SLITRK5: variants seen among roughly 807,000 people sequenced by gnomAD.
SLITRK5 encodes the protein SLIT and NTRK like family member 5.
A neutral mutation model predicts 56.2 loss-of-function variants in SLITRK5; 23 were observed. That is an observed-to-expected ratio of 0.41 (90% CI 0.29 to 0.58). SLITRK5 has a LOEUF of 0.58. SLITRK5 is among the 20% of genes least tolerant of loss of function. SLITRK5 has a pLI of 0.30. For missense variants in SLITRK5, 1,289 were observed against 1,226.6 expected (o/e 1.05, Z -0.76); for synonymous variants, 637 against 531.8 (o/e 1.20, Z -2.72).
Position 87,678,066 on chromosome 13 carries a change from A to G in SLITRK5, c.2678A>G (p.Tyr893Cys). 1.9e-6 allele frequency: 3 copies of G among 1,613,934 alleles called. No homozygotes were observed. The highest frequency in any genetic ancestry group is 2.5e-6 in the Non-Finnish European group (3 of 1,179,852). The change falls in exon 2 of 2, where the codon TAT becomes TGT. Residue 893 changes from tyrosine (Y) to cysteine (C), a missense_variant. Around this residue, in one of 3 missense-constraint regions of SLITRK5, gnomAD observed 985 missense variants for 906.0 expected, o/e 1.09. Coordinates refer to ENST00000683689, the MANE Select transcript of SLITRK5 (RefSeq NM_001384609.1). Reference protein sequence around the residue: ...SPAAYTFSPNYDLRRPHQYLH... With the variant: ...SPAAYTFSPNCDLRRPHQYLH... ...GCTGCTTACACTTTCTCCCCCAACTATGACCTGAGACGCCCCCATCAGTAT... is the reference window on the plus strand; with the variant it reads ...GCTGCTTACACTTTCTCCCCCAACTGTGACCTGAGACGCCCCCATCAGTAT...
In SLITRK5 at chr13:87,678,171, A is replaced by G. The variant is rs751852582; in HGVS notation, c.2783A>G (p.Asn928Ser). 9 of 1,614,086 alleles carry G rather than the reference A, an allele frequency of 5.6e-6. No individual in the cohort carries two copies. The highest frequency in any genetic ancestry group is 1.6e-4 in the Middle Eastern group (1 of 6,084). The change falls in exon 2 of 2, where the codon AAC (asparagine) becomes AGC (serine). Residue 928 changes from asparagine to serine, a missense_variant. Physicochemically the swap from Asn to Ser is conservative, Grantham distance 46. Coordinates refer to ENST00000683689, the MANE Select transcript of SLITRK5 (RefSeq NM_001384609.1). ...SPPSAVFVEP[N>S]RNEYLELKAK... The stretch of plus-strand genomic sequence containing the variant: ...CCGAGTGCTGTCTTTGTAGAACCCA[A>G]CCGGAACGAATATCTGGAGTTAAAA...
In SLITRK5 at chr13:87,678,419, G is replaced by T; in HGVS notation, c.*154G>T. On this transcript the variant is annotated 3_prime_UTR_variant, in exon 2 of 2. Transcript: ENST00000683689. The stretch of plus-strand genomic sequence containing the variant: ...AGCTTCGGTGGAAGATACGAAAAGG[G>T]TGTGCAATTTCCTTTAAAATTTACA... 1 of 709,354 alleles carries T rather than the reference G, an allele frequency of 1.4e-6. No individual in the cohort carries two copies. The highest frequency in any genetic ancestry group is 1.8e-5 in the African/African-American group (1 of 55,644). 43.9% of individuals were successfully genotyped at this position (709,354 alleles called of 1,614,324 possible).
intron 1 of SLITRK5, chr13:87,673,645 G>T (rs1327695936): frequency 3.3e-6 from 2 of 603,038 alleles, no homozygotes; most frequent in Non-Finnish European, 2.8e-6. Flanking sequence ...TTACCGTTGC[G>T]TTGGGAGGTC....
rs1566319591 is a variant in SLITRK5, at chr13:87,675,745, C to T, written c.357C>T (p.Asp119=). ...ATCTAGGTAGCAATGTTATCCAGGA[C>T]ATTGAGACCGGGGCTTTCCATGGGC... ...ILHLGSNVIQ[D]IETGAFHGLR... is the part of the protein sequence containing the mutation. Residue 119 remains aspartate (D), a synonymous_variant, in exon 2 of 2, where the codon GAC becomes GAT. Transcript: ENST00000683689. 6.2e-7 allele frequency: 1 copy of T among 1,614,150 alleles called. No individual in the cohort carries two copies. The highest frequency in any genetic ancestry group is 1.7e-5 in the Admixed American group (1 of 60,024).
rs1299207108 is a variant in SLITRK5, at chr13:87,671,756, A to G, written c.-462A>G. Among the ~76,000 whole-genome samples the G allele has an allele frequency of 6.6e-6, 1 of 152,084 alleles. No individual in the cohort carries two copies. The highest frequency in any genetic ancestry group is 2.4e-5 in the African/African-American group (1 of 41,434). ...AAACACCGTGAGGATGAAACTGCCAAAGGGATGCAAGAGCCTCTCAAATAC... is the reference window on the plus strand; with the variant it reads ...AAACACCGTGAGGATGAAACTGCCAGAGGGATGCAAGAGCCTCTCAAATAC... On this transcript the variant is annotated 5_prime_UTR_variant, in exon 1 of 2. Transcript: ENST00000683689.
chr13:87,675,340 G>T, intron 1 of SLITRK5, 41 bp from the exon 2 acceptor site: 1 of 1,465,958 alleles, frequency 6.8e-7, no homozygotes, highest in Non-Finnish European at 9.4e-7. Flanking sequence ...TTAAATTTTT[G>T]TCATATTCTG....
rs111810938 is a variant in SLITRK5 at position 87,675,470 on chromosome 13, T to C, written c.82T>C (p.Phe28Leu). 6.8e-6 allele frequency: 11 copies of C among 1,614,156 alleles called. No homozygotes were observed. Among genetic ancestry groups the C allele is most frequent in the Non-Finnish European group, 9.3e-6 (11 of 1,180,034 alleles). ...TAGCTGGATGCTGCAGACTCTAGCG[T>C]TTGCTGTAACATCTCTCGTCCTTTC... ...MHSWMLQTLA[F>L]AVTSLVLSCA... The change falls in exon 2 of 2, where the codon TTT (phenylalanine) becomes CTT (leucine). Residue 28 changes from phenylalanine (F) to leucine (L), a missense_variant. Phe to Leu is a conservative substitution (Grantham distance 22, BLOSUM62 0). Around this residue, in one of 3 missense-constraint regions of SLITRK5, gnomAD observed 291 missense variants for 286.7 expected, o/e 1.02. Transcript: ENST00000683689.
Position 87,672,382 on chromosome 13 carries a change from C to G in SLITRK5, c.-9+173C>G, listed in dbSNP as rs369893097. ...GCCGGCGGGGCCAGGCAGTCTTCTC[C>G]GCGTCCCCCTCCTCCCGCTCCGTGC... On this transcript the variant is annotated intron_variant, in intron 1 of 1. Coordinates refer to ENST00000683689, the MANE Select transcript of SLITRK5 (RefSeq NM_001384609.1). 1.1e-4 allele frequency among the ~76,000 whole-genome samples: 16 copies of G among 152,090 alleles called. 1 individual carries two copies. The East Asian group carries it at 2.5e-3, about 24-fold the overall frequency.
Position 87,676,389 on chromosome 13 carries a change from C to T in SLITRK5, c.1001C>T (p.Thr334Ile). ...YKPPLKPPKG[T>I]RQPNKPRVRP... Reference sequence around the variant, plus strand: ...CCCCCTTTGAAGCCCCCTAAGGGGACTCGCCAACCCAACAAGCCCAGGGTG... The same window carrying T: ...CCCCCTTTGAAGCCCCCTAAGGGGATTCGCCAACCCAACAAGCCCAGGGTG... Residue 334 changes from threonine to isoleucine, a missense_variant, in exon 2 of 2, where the codon ACT becomes ATT. Physicochemically the swap from Thr to Ile is moderately conservative, Grantham distance 89. Coordinates refer to ENST00000683689, the MANE Select transcript of SLITRK5 (RefSeq NM_001384609.1). 1 of 1,614,116 alleles carries T rather than the reference C, an allele frequency of 6.2e-7. No homozygotes were observed. The highest frequency in any genetic ancestry group is 8.5e-7 in the Non-Finnish European group (1 of 1,180,014).
In SLITRK5 at chr13:87,676,592, G is replaced by A. The variant is rs369443848; in HGVS notation, c.1204G>A (p.Ala402Thr). ...CCAGGAGCGAAAGATCGAGAGCATCGCTGAACTGCAGCCCAAGCCCTACAA... is the reference window on the plus strand; with the variant it reads ...CCAGGAGCGAAAGATCGAGAGCATCACTGAACTGCAGCCCAAGCCCTACAA... ...NCQERKIESI[A>T]ELQPKPYNPK... The change falls in exon 2 of 2, where the codon GCT becomes ACT. Residue 402 changes from alanine (A) to threonine (T), a missense_variant. Ala to Thr is a moderately conservative substitution (Grantham distance 58, BLOSUM62 0). Coordinates refer to ENST00000683689, the MANE Select transcript of SLITRK5 (RefSeq NM_001384609.1). The A allele has an allele frequency of 7.4e-6, 12 of 1,613,928 alleles. No individual in the cohort carries two copies. The highest frequency in any genetic ancestry group is 1.7e-5 in the Admixed American group (1 of 60,000).
At position 87,678,977 on chromosome 13, in the gene SLITRK5, A is replaced by C. The variant is rs1877417526; in HGVS notation, c.*712A>C. ...AAATAACTTATTGATGAAATATACAAATATTTTATTGTAGCACCTATTTTT... is the reference window on the plus strand; with the variant it reads ...AAATAACTTATTGATGAAATATACACATATTTTATTGTAGCACCTATTTTT... On this transcript the variant is annotated 3_prime_UTR_variant, in exon 2 of 2. Transcript: ENST00000683689. 1 of 155,668 alleles carries C rather than the reference A, an allele frequency of 6.4e-6. No individual in the cohort carries two copies. Among genetic ancestry groups the C allele is most frequent in the African/African-American group, 2.5e-5 (1 of 40,352 alleles). 9.6% of individuals were successfully genotyped at this position (155,668 alleles called of 1,614,324 possible). A position where few individuals can be genotyped will look rare whatever the true frequency, so the allele number is the denominator to read the frequency against.
Position 87,677,778 on chromosome 13 carries a change from A to AGCCGCC in SLITRK5, c.2397_2402dup (p.Pro801_Pro802dup). ...AACCACCACCTGCAGCAGCAGCAGCAGCCGCCGCCGCCACCGCAGCAGCCA... is the reference window on the plus strand; with the variant it reads ...AACCACCACCTGCAGCAGCAGCAGCAGCCGCCGCCGCCGCCGCCACCGCAGCAGCCA... On this transcript the variant is annotated inframe_insertion, in exon 2 of 2. Coordinates refer to ENST00000683689, the MANE Select transcript of SLITRK5 (RefSeq NM_001384609.1). This position sits in a 1 kb window ranked among gnomAD's most constrained non-coding sequence, Gnocchi z 4.7. The AGCCGCC allele has an allele frequency of 1.9e-6, 3 of 1,606,738 alleles. No homozygotes were observed. The highest frequency in any genetic ancestry group is 1.3e-5 in the African/African-American group (1 of 74,888).
chr13:87,678,131 G>A lies in SLITRK5; in HGVS notation c.2743G>A (p.Val915Met), dbSNP rs1315343659. 37 of 1,614,236 alleles carry A rather than the reference G, an allele frequency of 2.3e-5. No homozygotes were observed. The highest frequency in any genetic ancestry group is 2.7e-5 in the Non-Finnish European group (32 of 1,180,056). Residue 915 changes from valine (V) to methionine (M), a missense_variant, in exon 2 of 2, where the codon GTG (valine) becomes ATG (methionine). This residue lies in a region of SLITRK5 where 985 missense variants were observed against 906.0 expected (regional missense o/e 1.09). Transcript: ENST00000683689. Reference protein sequence around the residue: ...GAGDSRLREPVLYSPPSAVFV... With the variant: ...GAGDSRLREPMLYSPPSAVFV... Reference sequence around the variant, plus strand: ...AGGGGACAGCAGGCTACGGGAACCGGTGCTCTACAGCCCCCCGAGTGCTGT... The same window carrying A: ...AGGGGACAGCAGGCTACGGGAACCGATGCTCTACAGCCCCCCGAGTGCTGT...
chr13:87,678,479 T>C lies in SLITRK5; in HGVS notation c.*214T>C. 3.4e-6 allele frequency: 2 copies of C among 583,100 alleles called. No individual in the cohort carries two copies. The highest frequency in any genetic ancestry group is 6.2e-6 in the Non-Finnish European group (2 of 323,754). The allele number at this position is 583,100 out of a possible 1,614,324, so 36.1% of individuals were successfully genotyped here. A position where few individuals can be genotyped will look rare whatever the true frequency, so the allele number is the denominator to read the frequency against. On this transcript the variant is annotated 3_prime_UTR_variant, in exon 2 of 2. Transcript: ENST00000683689. Reference sequence around the variant, plus strand: ...CATTTGTGTAAACTGGGCACATCACTTTCTCTTCTTGCGTGTGGGGCAGGT... The same window carrying C: ...CATTTGTGTAAACTGGGCACATCACCTTCTCTTCTTGCGTGTGGGGCAGGT...
In SLITRK5 at chr13:87,675,603, G is replaced by A. The variant is rs369737942; in HGVS notation, c.215G>A (p.Ser72Asn). The part of the protein sequence containing the change: ...TVSCENRGII[S>N]LSEISPPRFP... ...AGCTGTGAAAACCGGGGGATCATCA[G>A]TCTCTCTGAAATTAGCCCTCCCCGT... Residue 72 changes from serine to asparagine, a missense_variant, in exon 2 of 2, where the codon AGT becomes AAT. Around this residue, in one of 3 missense-constraint regions of SLITRK5, gnomAD observed 291 missense variants for 286.7 expected, o/e 1.02. Coordinates refer to ENST00000683689, the MANE Select transcript of SLITRK5 (RefSeq NM_001384609.1). The A allele has an allele frequency of 8.7e-6, 14 of 1,614,062 alleles. No individual in the cohort carries two copies. The African/African-American group carries it at 1.9e-4, about 22-fold the overall frequency.
At chr13:87,674,185 G>T (rs1002946313) in intron 1 of SLITRK5, among the ~76,000 whole-genome samples, 1 of 152,180 alleles carries the variant, frequency 6.6e-6, no homozygotes, top group East Asian at 1.9e-4. Context: ...GATGAAATTC[G>T]GATATTAAAC....
chr13:87,676,378 C>G lies in SLITRK5; in HGVS notation c.990C>G (p.Pro330=). 6.2e-7 allele frequency: 1 copy of G among 1,614,126 alleles called. No homozygotes were observed. Among genetic ancestry groups the G allele is most frequent in the East Asian group, 2.2e-5 (1 of 44,862 alleles). Residue 330 remains proline, a synonymous_variant, in exon 2 of 2, where the codon CCC becomes CCG. Coordinates refer to ENST00000683689, the MANE Select transcript of SLITRK5 (RefSeq NM_001384609.1). Reference sequence around the variant, plus strand: ...CTGTTTACAAACCCCCTTTGAAGCCCCCTAAGGGGACTCGCCAACCCAACA... The same window carrying G: ...CTGTTTACAAACCCCCTTTGAAGCCGCCTAAGGGGACTCGCCAACCCAACA... The part of the protein sequence containing the change: ...SSAVYKPPLK[P]PKGTRQPNKP...
chr13:87,679,138 G>T lies in SLITRK5; in HGVS notation c.*873G>T, dbSNP rs948512483. 6.0e-6 allele frequency: 1 copy of T among 166,772 alleles called. No homozygotes were observed. The highest frequency in any genetic ancestry group is 1.9e-4 in the East Asian group (1 of 5,174). 10.3% of individuals were successfully genotyped at this position (166,772 alleles called of 1,614,324 possible). A position where few individuals can be genotyped will look rare whatever the true frequency, so the allele number is the denominator to read the frequency against. ...CATTTTCAATCATTCAAAATGTGGA[G>T]AATTTAATGGCTAAATCTTTAAAAG... On this transcript the variant is annotated 3_prime_UTR_variant, in exon 2 of 2. Coordinates refer to ENST00000683689, the MANE Select transcript of SLITRK5 (RefSeq NM_001384609.1).
rs748736989 is a variant in SLITRK5 at position 87,676,806 on chromosome 13, G to T, written c.1418G>T (p.Ser473Ile). 4.4e-5 allele frequency: 71 copies of T among 1,613,962 alleles called. 1 individual carries two copies. The South Asian group carries it at 7.6e-4, about 17-fold the overall frequency. The change falls in exon 2 of 2, where the codon AGC becomes ATC. Residue 473 changes from serine (S) to isoleucine (I), a missense_variant. Physicochemically the swap from Ser to Ile is moderately radical, Grantham distance 142. This residue lies in a region of SLITRK5 where 985 missense variants were observed against 906.0 expected (regional missense o/e 1.09). Transcript: ENST00000683689. ...AATGGCAACAGGATCGAGAGGCTGAGCCCGGAGTTATTCTATGGCCTGCAG... is the reference window on the plus strand; with the variant it reads ...AATGGCAACAGGATCGAGAGGCTGATCCCGGAGTTATTCTATGGCCTGCAG... ...YLNGNRIERL[S>I]PELFYGLQSL...
Sources: gnomAD v4.1 joint callset for allele counts (sites outside exome capture counted in the v4.1 genomes callset) on GRCh38, gnomAD v4.1.1 for gene constraint, gnomAD v4.1.1 regional missense constraint, Gnocchi (gnomAD v3.1) non-coding constraint, MANE v1.5 for transcripts, NCBI Gene and HGNC (gene_info 2026-07-23, HGNC 2026-07-21) for gene names.